NT5C2: variants seen among roughly 807,000 people sequenced by gnomAD.
NT5C2 encodes the protein 5'-nucleotidase, cytosolic II.
Under a neutral mutation model 76.1 loss-of-function variants are expected in NT5C2, and 58 were observed. The ratio of observed to expected loss-of-function variants is 0.76; its 90% CI spans 0.62 to 0.95. The LOEUF (loss-of-function observed/expected upper bound fraction) is 0.95. Among genes scored for constraint, NT5C2 ranks in the 40% least tolerant of loss-of-function variants. The probability of loss-of-function intolerance (pLI) is 0.00; values close to 1 mark genes in which losing one functional copy is unlikely to be tolerated. For missense variants in NT5C2, 478 were observed against 690.3 expected, an observed-to-expected ratio of 0.69 and a Z score of 3.45; for synonymous variants, 229 against 237.4, an observed-to-expected ratio of 0.96 and a Z score of 0.32.
intron 10 of NT5C2, chr10:103,097,913 T>C (rs1439154036): frequency 1.1e-5 from 5 of 447,592 alleles, no homozygotes; most frequent in African/African-American, 2.1e-5. Context: ...AAGAAAAATA[T>C]CTTTTCCTTC....
intron 4 of NT5C2, among the ~76,000 whole-genome samples, chr10:103,115,790 GAAGTA>G (rs2074198479): frequency 1.3e-5 from 2 of 151,994 alleles, no homozygotes; most frequent in South Asian, 4.1e-4. Context: ...AGTTGTCTAA[GAAGTA>G]AATAATATAC....
chr10:103,158,186 G>A (rs775671511), intron 3 of NT5C2, among the ~76,000 whole-genome samples: 31 of 151,558 alleles, frequency 2.0e-4, no homozygotes, highest in Non-Finnish European at 3.8e-4. Context: ...ACAATTTAAC[G>A]AAAAAAAGGA....
intron 3 of NT5C2, among the ~76,000 whole-genome samples, chr10:103,174,590 A>C (rs1396591472): frequency 2.0e-5 from 3 of 152,136 alleles, no homozygotes; most frequent in African/African-American, 7.2e-5. Context: ...CCCTCAAAAA[A>C]AGAAAGAAAA....
rs77129132 is a variant in NT5C2, at chr10:103,163,875, A to C, written c.101+10983T>G. Among the ~76,000 whole-genome samples the C allele has an allele frequency of 7.7e-4, 116 of 150,656 alleles. No individual in the cohort carries two copies. In the Middle Eastern group the frequency reaches 0.014, roughly 18 times the overall value. On this transcript the variant is annotated intron_variant, in intron 3 of 18. Transcript: ENST00000404739. ...ACTAAAAATACAAAAAAAAAACAAA[A>C]AAAAAAAAACCTGGTGGCACACACC...
chr10:103,177,178 C>A (rs1180393421), intron 2 of NT5C2, among the ~76,000 whole-genome samples: 5 of 152,094 alleles, frequency 3.3e-5, no homozygotes, highest in Non-Finnish European at 7.4e-5. Context: ...AATGCTTTTA[C>A]ATTTTTCTGT....
At chr10:103,184,100 G>A (rs572050920) in intron 1 of NT5C2, among the ~76,000 whole-genome samples, 2 of 152,002 alleles carry the variant, frequency 1.3e-5, no homozygotes, top group Non-Finnish European at 2.9e-5. Context: ...TTACAGGCAT[G>A]AGCCACCACG....
chr10:103,090,239 A>AGAT (rs2066378471), intron 18 of NT5C2: 1 of 324,208 alleles, frequency 3.1e-6, no homozygotes, highest in African/African-American at 2.1e-5. Context: ...CTTTTTCTTG[A>AGAT]GATGGTCTCT....
chr10:103,144,327 G>T (rs915387926), intron 3 of NT5C2, among the ~76,000 whole-genome samples: 1 of 152,056 alleles, frequency 6.6e-6, no homozygotes, highest in Admixed American at 6.5e-5. Flanking sequence ...TATGCGGAAC[G>T]ACATAATAAA....
intron 1 of NT5C2, among the ~76,000 whole-genome samples, chr10:103,191,149 T>A (rs936443089): frequency 2.0e-5 from 3 of 152,120 alleles, no homozygotes; most frequent in African/African-American, 7.2e-5. Context: ...TCCCAGTACT[T>A]GGGAGGCCGA....
chr10:103,168,268 T>G (rs1198143061), intron 3 of NT5C2, among the ~76,000 whole-genome samples: 1 of 152,178 alleles, frequency 6.6e-6, no homozygotes, highest in Non-Finnish European at 1.5e-5. Context: ...TTCAATATGA[T>G]AAAACCACTG....
intron 1 of NT5C2, among the ~76,000 whole-genome samples, chr10:103,187,319 G>A (rs2092154177): frequency 6.6e-6 from 1 of 151,994 alleles, no homozygotes; most frequent in Non-Finnish European, 1.5e-5. Flanking sequence ...GCTGAGGCGG[G>A]TAGATTACAA....
chr10:103,130,428 A>G (rs1307226199), intron 4 of NT5C2, among the ~76,000 whole-genome samples: 4 of 150,978 alleles, frequency 2.6e-5, no homozygotes, highest in African/African-American at 7.3e-5. Context: ...GGAAGGCCGC[A>G]GGGTCCTCTG....
At chr10:103,192,816 C>T (rs1471439021) in intron 1 of NT5C2, among the ~76,000 whole-genome samples, 2 of 152,254 alleles carry the variant, frequency 1.3e-5, no homozygotes, top group African/African-American at 4.8e-5. Context: ...CTGGAATCAG[C>T]TGGAGGACGT....
intron 3 of NT5C2, among the ~76,000 whole-genome samples, chr10:103,174,095 C>CA (rs59543748): frequency 0.018 from 1,439 of 81,116 alleles, 11 homozygotes; most frequent in African/African-American, 0.025. Context: ...GACTCCGTCT[C>CA]AAAAAAAAAA....
chr10:103,170,697 G>GTT (rs375598413), intron 3 of NT5C2, among the ~76,000 whole-genome samples: 11 of 147,744 alleles, frequency 7.4e-5, no homozygotes, highest in South Asian at 2.2e-4. Context: ...TAATTTTTAT[G>GTT]TTTTTTTTTT....
At chr10:103,143,625 T>A (rs2133320926) in intron 3 of NT5C2, among the ~76,000 whole-genome samples, 1 of 141,882 alleles carries the variant, frequency 7.0e-6, no homozygotes, top group African/African-American at 2.6e-5. Flanking sequence ...TTTTTTTTTT[T>A]TTTTTTTGTA....
intron 4 of NT5C2, among the ~76,000 whole-genome samples, chr10:103,128,127 C>T (rs2077062201): frequency 6.6e-6 from 1 of 150,604 alleles, no homozygotes; most frequent in African/African-American, 2.4e-5. Flanking sequence ...TCATGCGGAG[C>T]CGAAGCTGGA....
intron 4 of NT5C2, among the ~76,000 whole-genome samples, chr10:103,137,701 C>T (rs576510251): frequency 3.7e-4 from 56 of 152,318 alleles, no homozygotes; most frequent in African/African-American, 1.3e-3. Flanking sequence ...TTCACATACA[C>T]GTGCAAGCAT....
At chr10:103,091,705 G>T in intron 15 of NT5C2, 90 bp from the exon 16 acceptor site, 1 of 1,070,876 alleles carries the variant, frequency 9.3e-7, no homozygotes, top group South Asian at 1.3e-5. Context: ...TTGCAGATGT[G>T]ACTGGAAAGT....
Sources: allele counts gnomAD v4.1 joint callset (sites outside exome capture counted in the v4.1 genomes callset), GRCh38; gene constraint gnomAD v4.1.1; transcripts MANE v1.5; gene names NCBI Gene and HGNC (gene_info 2026-07-23, HGNC 2026-07-21).